TYR: variants seen among roughly 807,000 people sequenced by gnomAD.
TYR encodes the protein LB24-AB.
In TYR, 58 loss-of-function variants were observed where a neutral mutation model predicts 51.5. The ratio of observed to expected loss-of-function variants is 1.13; its 90% CI spans 0.91 to 1.40. The LOEUF is 1.40. TYR is among the 40% of genes most tolerant of loss of function. The pLI is 0.00. For synonymous variants in TYR, 263 were observed against 235.2 expected (o/e 1.12, Z -1.08); for missense variants, 732 against 647.4 (o/e 1.13, Z -1.42).
intron 3 of TYR, among the ~76,000 whole-genome samples, chr11:89,246,164 A>G (rs57627301): frequency 0.45 from 68,030 of 151,228 alleles, 15,991 homozygotes; most frequent in African/African-American, 0.6. Context: ...TCCACCACTA[A>G]AACTCACAGT....
intron 3 of TYR, among the ~76,000 whole-genome samples, chr11:89,234,344 C>A (rs1944085331): frequency 7.0e-6 from 1 of 143,654 alleles, no homozygotes; most frequent in South Asian, 2.3e-4. Context: ...CTATCCAGAC[C>A]ACTAAAATTT....
intron 2 of TYR, among the ~76,000 whole-genome samples, chr11:89,210,258 T>A (rs561873091): frequency 1.3e-5 from 2 of 152,098 alleles, no homozygotes; most frequent in Admixed American, 6.5e-5. Flanking sequence ...GAATAACCAG[T>A]GTAGAGAAGA....
At chr11:89,252,513 T>C (rs1192275255) in intron 3 of TYR, among the ~76,000 whole-genome samples, 3 of 151,704 alleles carry the variant, frequency 2.0e-5, no homozygotes, top group African/African-American at 7.3e-5. Flanking sequence ...ATGAGTATAG[T>C]AGAAAAACAA....
chr11:89,185,919 G>A (rs1177448053), intron 1 of TYR, among the ~76,000 whole-genome samples: 1 of 152,060 alleles, frequency 6.6e-6, no homozygotes, highest in Non-Finnish European at 1.5e-5. Flanking sequence ...GAAACTACAA[G>A]AAAAATAATT....
intron 1 of TYR, among the ~76,000 whole-genome samples, chr11:89,180,478 A>C (rs564878253): frequency 6.6e-6 from 1 of 152,208 alleles, no homozygotes; most frequent in Admixed American, 6.5e-5. Context: ...TATTTTCCTA[A>C]TTACTTATTA....
chr11:89,206,557 C>T (rs981965333), intron 2 of TYR, among the ~76,000 whole-genome samples: 1 of 152,106 alleles, frequency 6.6e-6, no homozygotes, highest in Non-Finnish European at 1.5e-5. Context: ...GAATTCAATA[C>T]TGCTGTTTAA....
intron 2 of TYR, among the ~76,000 whole-genome samples, chr11:89,202,960 G>A (rs1943619458): frequency 6.6e-6 from 1 of 152,116 alleles, no homozygotes; most frequent in African/African-American, 2.4e-5. Context: ...TAAAAGGAGT[G>A]GCCTGTTTTC....
At chr11:89,213,271 C>T (rs1687683795) in intron 2 of TYR, among the ~76,000 whole-genome samples, 1 of 152,120 alleles carries the variant, frequency 6.6e-6, no homozygotes, top group South Asian at 2.1e-4. Context: ...GCAAAAATCA[C>T]AAGCATTCCT....
chr11:89,212,522 G>C (rs1306137221), intron 2 of TYR, among the ~76,000 whole-genome samples: 2 of 152,148 alleles, frequency 1.3e-5, no homozygotes, highest in East Asian at 3.9e-4. Flanking sequence ...AGAGGAGCTG[G>C]TACCATTCCT....
intron 3 of TYR, among the ~76,000 whole-genome samples, chr11:89,254,522 G>A (rs1181583052): frequency 6.6e-6 from 1 of 151,554 alleles, no homozygotes; most frequent in Admixed American, 6.6e-5. Flanking sequence ...GTCTGTTCAG[G>A]CTTTCTAATT....
rs192675874 is a variant in TYR at position 89,233,763 on chromosome 11, T to G, written c.1184+5793T>G. On this transcript the variant is annotated intron_variant, in intron 3 of 4. Coordinates refer to ENST00000263321, the MANE Select transcript of TYR (RefSeq NM_000372.5). ...TTTTCCAGGGAGTTGGTCTCAGCAA[T>G]GGGCTTAAAGTATTCAGTAAACCAT... Among the ~76,000 whole-genome samples the G allele has an allele frequency of 1.3e-4, 19 of 142,938 alleles. 6 individuals carry two copies. Among genetic ancestry groups the G allele is most frequent in the African/African-American group, 5.3e-4 (19 of 36,168 alleles). 93.8% of individuals were successfully genotyped at this position (142,938 alleles called of 152,430 possible).
intron 1 of TYR, among the ~76,000 whole-genome samples, chr11:89,181,471 T>C (rs1274866332): frequency 6.6e-6 from 1 of 152,224 alleles, no homozygotes; most frequent in Non-Finnish European, 1.5e-5. Flanking sequence ...TTTGAATGCC[T>C]TTGTCCAAAT....
intron 3 of TYR, among the ~76,000 whole-genome samples, chr11:89,281,802 CTTTCCATA>C (rs1256712016): frequency 6.6e-6 from 1 of 151,758 alleles, no homozygotes; most frequent in African/African-American, 2.4e-5. Context: ...TAAAACACAT[CTTTCCATA>C]TTTCCATCTG....
chr11:89,200,547 C>G (rs1460553078), intron 2 of TYR: 2 of 143,562 alleles, frequency 1.4e-5, no homozygotes, highest in Non-Finnish European at 3.0e-5. Flanking sequence ...ATATTTATGA[C>G]TACTTCTCAT....
chr11:89,260,950 G>C (rs1197053602), intron 3 of TYR, among the ~76,000 whole-genome samples: 1 of 152,022 alleles, frequency 6.6e-6, no homozygotes, highest in African/African-American at 2.4e-5. Flanking sequence ...CAGGTGAACT[G>C]GGCATGTGAG....
intron 2 of TYR, among the ~76,000 whole-genome samples, chr11:89,197,895 T>C (rs1403691840): frequency 7.2e-6 from 1 of 138,524 alleles, no homozygotes; most frequent in Non-Finnish European, 1.5e-5. Context: ...AAGCTGATAT[T>C]ATGCTTCCTT....
chr11:89,212,158 GT>G (rs962951839), intron 2 of TYR, among the ~76,000 whole-genome samples: 8 of 152,094 alleles, frequency 5.3e-5, no homozygotes, highest in Admixed American at 2.6e-4. Context: ...TCCACGAGCT[GT>G]TTTTTTGAAA....
chr11:89,230,821 C>A (rs1406930999), intron 3 of TYR, among the ~76,000 whole-genome samples: 1 of 150,564 alleles, frequency 6.6e-6, no homozygotes, highest in Non-Finnish European at 1.5e-5. Flanking sequence ...ATCAAAACCA[C>A]AATGAGATAA....
At chr11:89,205,489 A>G (rs1348486039) in intron 2 of TYR, among the ~76,000 whole-genome samples, 1 of 152,168 alleles carries the variant, frequency 6.6e-6, no homozygotes, top group Non-Finnish European at 1.5e-5. Context: ...ACAAATATTC[A>G]AAGTAGTGAG....
Sources: allele counts gnomAD v4.1 joint callset (sites outside exome capture counted in the v4.1 genomes callset), GRCh38; gene constraint gnomAD v4.1.1; transcripts MANE v1.5; gene names NCBI Gene and HGNC (gene_info 2026-07-23, HGNC 2026-07-21).